TPTE2: variants seen among roughly 807,000 people sequenced by gnomAD.
TPTE2 encodes the protein phosphatidylinositol 3,4,5-trisphosphate 3-phosphatase TPTE2.
A neutral mutation model predicts 78.6 loss-of-function variants in TPTE2; 53 were observed. The ratio of observed to expected loss-of-function variants is 0.67; its 90% confidence interval spans 0.54 to 0.85. TPTE2 has a LOEUF of 0.85. TPTE2 is among the 40% of genes least tolerant of loss of function. TPTE2 has a pLI of 0.00. For synonymous variants in TPTE2, 175 were observed against 206.2 expected (o/e 0.85, Z 1.30); for missense variants, 461 against 623.0 (o/e 0.74, Z 2.77).
At chr13:19,471,813 T>C (rs1276712828) in intron 6 of TPTE2, among the ~76,000 whole-genome samples, 1 of 152,234 alleles carries the variant, frequency 6.6e-6, no homozygotes, top group Non-Finnish European at 1.5e-5. Flanking sequence ...AATGTCCTTA[T>C]CTTTCTGATT....
At chr13:19,561,373 C>G in the TPTE2 span, 1 of 478,212 alleles carries the variant, frequency 2.1e-6, no homozygotes, top group Non-Finnish European at 3.6e-6. Context: ...CTAATATTCC[C>G]GCTGTCGCAG....
intron 1 of TPTE2, among the ~76,000 whole-genome samples, chr13:19,534,480 G>C (rs577958817): frequency 2.6e-5 from 4 of 152,120 alleles, no homozygotes; most frequent in Non-Finnish European, 5.9e-5. Context: ...TGAAATCATG[G>C]AAAATATTAG....
At chr13:19,425,497 T>C (rs1295231368) in intron 18 of TPTE2, among the ~76,000 whole-genome samples, 1 of 152,156 alleles carries the variant, frequency 6.6e-6, no homozygotes, top group Non-Finnish European at 1.5e-5. Context: ...CTGATCCTGA[T>C]ATCTGCCTTA....
At chr13:19,427,668 G>C (rs1306034136) in intron 17 of TPTE2, among the ~76,000 whole-genome samples, 1 of 152,116 alleles carries the variant, frequency 6.6e-6, no homozygotes, top group African/African-American at 2.4e-5. Flanking sequence ...GGGGAGAGTG[G>C]GGTCCCCCTG....
chr13:19,504,876 G>A (rs890248556), upstream of TPTE2, among the ~76,000 whole-genome samples: 1 of 151,742 alleles, frequency 6.6e-6, no homozygotes, highest in Non-Finnish European at 1.5e-5. Flanking sequence ...CCCTGTGTTT[G>A]TGTGTCTAGA....
intron 16 of TPTE2, among the ~76,000 whole-genome samples, chr13:19,431,801 C>T (rs1047756867): frequency 7.3e-6 from 1 of 137,914 alleles, no homozygotes; most frequent in African/African-American, 2.7e-5. Context: ...CTATAGCACC[C>T]AGCACTGGCA....
rs1870049682 is a variant in TPTE2 at position 19,519,954 on chromosome 13, T to C, written c.-44+16642A>G. On this transcript the variant is annotated intron_variant, in intron 1 of 17. Transcript: ENST00000390680. ...TTTAGGTCTTAATCACTTTCAATAA[T>C]GTTTTGTAGTCTTACATTTCTTTTG... Among the ~76,000 whole-genome samples the C allele has an allele frequency of 3.3e-5, 5 of 152,154 alleles. No homozygotes were observed. The South Asian group carries it at 1.0e-3, about 32-fold the overall frequency.
the TPTE2 span, among the ~76,000 whole-genome samples, chr13:19,559,339 C>T: frequency 7.9e-5 from 12 of 152,204 alleles, no homozygotes; most frequent in Non-Finnish European, 1.8e-4. Flanking sequence ...TCTGTACAGC[C>T]AAGGGCTCTG....
At chr13:19,554,022 T>C in the TPTE2 span, among the ~76,000 whole-genome samples, 2 of 152,246 alleles carry the variant, frequency 1.3e-5, no homozygotes, top group Non-Finnish European at 2.9e-5. Flanking sequence ...TATTCTTTAG[T>C]TATTTTTACC....
chr13:19,450,253 T>A lies in TPTE2; in HGVS notation c.884+10A>T, dbSNP rs770543300. ...CCCTCTTCTGATAGTCAATTTAGCA[T>A]AAAACTTACTGTAGAGTGGGGACAT... On this transcript the variant is annotated intron_variant, in intron 12 of 19. Transcript: ENST00000400230. 3.7e-6 allele frequency: 6 copies of A among 1,611,176 alleles called. No individual in the cohort carries two copies. In the South Asian group the frequency reaches 5.5e-5, roughly 15 times the overall value.
At chr13:19,523,590 C>T (rs2137725752) in intron 1 of TPTE2, among the ~76,000 whole-genome samples, 1 of 152,196 alleles carries the variant, frequency 6.6e-6, no homozygotes, top group South Asian at 2.1e-4. Context: ...ATTCTCCTGC[C>T]TCAGCCTCCC....
rs182234824 is a variant in TPTE2, at chr13:19,439,068, C to G, written c.974-915G>C. Among the ~76,000 whole-genome samples the G allele has an allele frequency of 4.2e-3, 641 of 152,252 alleles. 5 individuals are homozygous for G. Among genetic ancestry groups the G allele is most frequent in the South Asian group, 0.025 (118 of 4,798 alleles). Reference sequence around the variant, plus strand: ...CGGCATTTTCCCAAACCTGGACTGGCAGCAGGACAACACTGGGGGAATCTT... The same window carrying G: ...CGGCATTTTCCCAAACCTGGACTGGGAGCAGGACAACACTGGGGGAATCTT... On this transcript the variant is annotated intron_variant, in intron 13 of 19. Coordinates refer to ENST00000400230, the Ensembl canonical transcript of TPTE2.
intron 1 of TPTE2, among the ~76,000 whole-genome samples, chr13:19,532,446 A>T (rs180747943): frequency 3.9e-5 from 6 of 152,126 alleles, no homozygotes; most frequent in African/African-American, 1.4e-4. Context: ...CTCCTCAAGG[A>T]TGCAACAGTC....
intron 5 of TPTE2, among the ~76,000 whole-genome samples, chr13:19,475,099 G>A (rs555331401): frequency 1.1e-3 from 172 of 152,216 alleles, no homozygotes; most frequent in African/African-American, 3.9e-3. Flanking sequence ...ATTAGATGGG[G>A]CACATGGCTA....
chr13:19,483,647 CATTA>C (rs1880488290), intron 3 of TPTE2, among the ~76,000 whole-genome samples: 1 of 151,982 alleles, frequency 6.6e-6, no homozygotes, highest in South Asian at 2.1e-4. Flanking sequence ...GTTTGGTCTT[CATTA>C]TTTATTTCCT....
upstream of TPTE2, among the ~76,000 whole-genome samples, chr13:19,541,011 G>A (rs1871422906): frequency 6.6e-6 from 1 of 152,178 alleles, no homozygotes; most frequent in Non-Finnish European, 1.5e-5. Flanking sequence ...TGTAATCAAG[G>A]TGACAGCCAG....
chr13:19,559,847 A>G, the TPTE2 span, among the ~76,000 whole-genome samples: 1 of 95,316 alleles, frequency 1.0e-5, no homozygotes, highest in African/African-American at 3.4e-5. Flanking sequence ...ATCCCCTAGG[A>G]GGGGGGAGGG....
intron 13 of TPTE2, among the ~76,000 whole-genome samples, chr13:19,439,610 C>G (rs369860530): frequency 2.8e-4 from 43 of 152,128 alleles, no homozygotes; most frequent in South Asian, 4.1e-4. Flanking sequence ...GCAATGCTTC[C>G]TACCAAAATG....
intron 3 of TPTE2, among the ~76,000 whole-genome samples, chr13:19,484,948 C>T (rs1342994893): frequency 6.6e-6 from 1 of 151,978 alleles, no homozygotes; most frequent in African/African-American, 2.4e-5. Flanking sequence ...AGTCTATATC[C>T]TTCATGGGGT....
Sources: gnomAD v4.1 joint callset for allele counts (sites outside exome capture counted in the v4.1 genomes callset) on GRCh38, gnomAD v4.1.1 for gene constraint, MANE v1.5 for transcripts, NCBI Gene and HGNC (gene_info 2026-07-23, HGNC 2026-07-21) for gene names.